Variants in WFDC10B observed in about 807,000 individuals in gnomAD.
The protein encoded by WFDC10B is WAP four-disulfide core domain 10B.
WFDC10B carries 1 observed loss-of-function variant against 2.7 expected under a neutral mutation model. The observed-to-expected ratio is 0.38, with a 90% confidence interval of 0.13 to 1.79. The LOEUF (loss-of-function observed/expected upper bound fraction) is 1.79. WFDC10B is among the 40% of genes most tolerant of loss of function. The probability of loss-of-function intolerance (pLI) is 0.33; values close to 1 mark genes in which losing one functional copy is unlikely to be tolerated. For missense variants in WFDC10B, 71 were observed against 87.8 expected, an observed-to-expected ratio of 0.81 and a Z score of 0.76; for synonymous variants, 26 against 32.2, an observed-to-expected ratio of 0.81 and a Z score of 0.65.
At chr20:45,687,894 T>G (rs1304471956) in intron 2 of WFDC10B, among the ~76,000 whole-genome samples, 1 of 150,132 alleles carries the variant, frequency 6.7e-6, no homozygotes, top group Non-Finnish European at 1.5e-5. Flanking sequence ...ATTATTATAC[T>G]TTAAGTTTTA....
In WFDC10B at chr20:45,693,550, G is replaced by T. The variant is rs749628057; in HGVS notation, c.-64-7494C>A. On this transcript the variant is annotated intron_variant, in intron 2 of 3. Coordinates refer to ENST00000330523, the MANE Select transcript of WFDC10B (RefSeq NM_172006.2). ...TGCAATGGTGGGCGCCCCTCCCCCA[G>T]CCTTGCTGCCGCCTTGCTGTTTGAT... 3.9e-4 allele frequency among the ~76,000 whole-genome samples: 59 copies of T among 152,190 alleles called. No homozygotes were observed. In the Middle Eastern group the frequency reaches 0.01, roughly 26 times the overall value.
chr20:45,699,493 C>A (rs924034905), intron 2 of WFDC10B, among the ~76,000 whole-genome samples: 1 of 152,034 alleles, frequency 6.6e-6, no homozygotes, highest in African/African-American at 2.4e-5. Flanking sequence ...GTAAATGAAC[C>A]TCAAAAACTA....
chr20:45,690,192 A>C (rs1285143749), intron 2 of WFDC10B, among the ~76,000 whole-genome samples: 1 of 150,150 alleles, frequency 6.7e-6, no homozygotes, highest in South Asian at 2.1e-4. Context: ...GATGAAGCCC[A>C]CTTGATCATG....
At chr20:45,695,650 A>AAAAC (rs2145639287) in intron 2 of WFDC10B, among the ~76,000 whole-genome samples, 1 of 152,340 alleles carries the variant, frequency 6.6e-6, no homozygotes, top group South Asian at 2.1e-4. Flanking sequence ...AATACACTCT[A>AAAAC]AAACAACCAA....
At chr20:45,692,823 C>G (rs1312870198) in intron 2 of WFDC10B, among the ~76,000 whole-genome samples, 1 of 152,244 alleles carries the variant, frequency 6.6e-6, no homozygotes, top group Non-Finnish European at 1.5e-5. Flanking sequence ...CTTCTTCTCT[C>G]AACTTGTCAA....
chr20:45,691,736 C>T (rs917811944), intron 2 of WFDC10B, among the ~76,000 whole-genome samples: 3 of 152,158 alleles, frequency 2.0e-5, no homozygotes, highest in Non-Finnish European at 4.4e-5. Context: ...TGTGTCTCTG[C>T]ATGTGAGATG....
rs989788322 is a variant in WFDC10B at position 45,701,922 on chromosome 20, G to A, written c.-65+2575C>T. On this transcript the variant is annotated intron_variant, in intron 2 of 3. Coordinates refer to ENST00000330523, the MANE Select transcript of WFDC10B (RefSeq NM_172006.2). ...AGATTAGGGGAATAAAGGAGGATAT[G>A]AAAACACTACGTGACCCTGGAGTGG... 12 of 567,226 alleles carry A rather than the reference G, an allele frequency of 2.1e-5. No homozygotes were observed. The African/African-American group carries it at 2.3e-4, about 11-fold the overall frequency. 35.1% of individuals were successfully genotyped at this position (567,226 alleles called of 1,614,324 possible). A position where few individuals can be genotyped will look rare whatever the true frequency, so the allele number is the denominator to read the frequency against.
chr20:45,687,476 C>T (rs750892494), intron 2 of WFDC10B, among the ~76,000 whole-genome samples: 1 of 152,116 alleles, frequency 6.6e-6, no homozygotes, highest in African/African-American at 2.4e-5. Context: ...TGAACATATG[C>T]ATGCATGTGT....
In WFDC10B at chr20:45,693,772, T is replaced by C. The variant is rs190151714; in HGVS notation, c.-64-7716A>G. Among the ~76,000 whole-genome samples, 45 of 152,380 alleles carry C rather than the reference T, an allele frequency of 3.0e-4. No individual in the cohort carries two copies. In the East Asian group the frequency reaches 7.3e-3, roughly 25 times the overall value. On this transcript the variant is annotated intron_variant, in intron 2 of 3. Transcript: ENST00000330523. ...TAGGAAAAGGAACTCCCTGACCCCTTGCGCTTCCCGAGTGAGGCAATGCCT... is the reference window on the plus strand; with the variant it reads ...TAGGAAAAGGAACTCCCTGACCCCTCGCGCTTCCCGAGTGAGGCAATGCCT...
At chr20:45,696,301 A>G (rs1282781939) in intron 2 of WFDC10B, among the ~76,000 whole-genome samples, 1 of 151,484 alleles carries the variant, frequency 6.6e-6, no homozygotes, top group Non-Finnish European at 1.5e-5. Context: ...AAAAAAAAAA[A>G]AAAAAGATCT....
At chr20:45,695,842 AT>A (rs1345148269) in intron 2 of WFDC10B, among the ~76,000 whole-genome samples, 2 of 152,154 alleles carry the variant, frequency 1.3e-5, no homozygotes, top group East Asian at 3.9e-4. Context: ...CTAACTGGGC[AT>A]GGTGGTATGC....
At chr20:45,691,443 AG>A (rs1325670538) in intron 2 of WFDC10B, among the ~76,000 whole-genome samples, 1 of 150,244 alleles carries the variant, frequency 6.7e-6, no homozygotes, top group Non-Finnish European at 1.5e-5. Context: ...GGGGTGTTAA[AG>A]TCTCCCATTA....
intron 2 of WFDC10B, among the ~76,000 whole-genome samples, chr20:45,690,850 A>C (rs1244365375): frequency 6.6e-6 from 1 of 151,692 alleles, no homozygotes; most frequent in African/African-American, 2.4e-5. Flanking sequence ...TTCTGCTCCG[A>C]TTTTAGTTAT....
chr20:45,693,183 T>C (rs1983871473), intron 2 of WFDC10B, among the ~76,000 whole-genome samples: 1 of 152,188 alleles, frequency 6.6e-6, no homozygotes, highest in African/African-American at 2.4e-5. Context: ...ATCGTTCCTC[T>C]GGAAGTTTTG....
At chr20:45,701,989 G>T (rs1486887222) in intron 2 of WFDC10B, 4 of 746,146 alleles carry the variant, frequency 5.4e-6, no homozygotes, top group African/African-American at 5.3e-5. Flanking sequence ...TGCCGGTTTT[G>T]ATTGGAGTAC....
intron 2 of WFDC10B, among the ~76,000 whole-genome samples, chr20:45,687,035 T>G (rs752231420): frequency 3.3e-5 from 5 of 152,192 alleles, no homozygotes; most frequent in Admixed American, 6.5e-5. Flanking sequence ...TATTAAGTTC[T>G]GGGGTACATG....
intron 2 of WFDC10B, among the ~76,000 whole-genome samples, chr20:45,693,308 C>G (rs1440627761): frequency 6.6e-6 from 1 of 152,192 alleles, no homozygotes; most frequent in African/African-American, 2.4e-5. Context: ...GGCAGTCTGC[C>G]CATTCTCAGA....
rs140717715 is a variant in WFDC10B at position 45,694,560 on chromosome 20, C to T, written c.-64-8504G>A. On this transcript the variant is annotated intron_variant, in intron 2 of 3. Coordinates refer to ENST00000330523, the MANE Select transcript of WFDC10B (RefSeq NM_172006.2). ...CAAACACCACAGGATTGAAGGGAGA[C>T]GAAGCACTACAAAATAGTTGGAGAG... Among the ~76,000 whole-genome samples the T allele has an allele frequency of 6.0e-3, 914 of 152,236 alleles. 3 individuals carry two copies. Among genetic ancestry groups the T allele is most frequent in the African/African-American group, 0.021 (865 of 41,534 alleles).
At chr20:45,700,831 C>G (rs1984131026) in intron 2 of WFDC10B, among the ~76,000 whole-genome samples, 1 of 152,140 alleles carries the variant, frequency 6.6e-6, no homozygotes, top group Non-Finnish European at 1.5e-5. Context: ...CACAGTGAGG[C>G]ATTAAAAATG....
Sources: allele counts gnomAD v4.1 joint callset (sites outside exome capture counted in the v4.1 genomes callset), GRCh38; gene constraint gnomAD v4.1.1; transcripts MANE v1.5; gene names NCBI Gene and HGNC (gene_info 2026-07-23, HGNC 2026-07-21).